MIPOL1: variants seen among roughly 807,000 people sequenced by gnomAD.
The protein encoded by MIPOL1 is mirror-image polydactyly gene 1 protein.
MIPOL1 carries 57 observed loss-of-function variants against 60.9 expected under a neutral mutation model. The observed-to-expected ratio is 0.94, with a 90% confidence interval of 0.76 to 1.17. The LOEUF (loss-of-function observed/expected upper bound fraction) is 1.17, where lower values mean the gene tolerates loss of function less well. Ranked by LOEUF, MIPOL1 falls within the 50% of genes most tolerant of loss-of-function variation. The probability of loss-of-function intolerance (pLI) is 0.00; values close to 1 mark genes in which losing one functional copy is unlikely to be tolerated. For synonymous variants in MIPOL1, 179 were observed against 168.8 expected (o/e 1.06, Z -0.47); for missense variants, 551 against 511.6 (o/e 1.08, Z -0.74).
At chr14:37,259,978 G>A (rs1159477107) in intron 3 of MIPOL1, among the ~76,000 whole-genome samples, 2 of 152,034 alleles carry the variant, frequency 1.3e-5, no homozygotes. Context: ...TCCCCTGAGA[G>A]CAGATAGAGT....
At chr14:37,392,689 G>T (rs1300700117) in intron 10 of MIPOL1, among the ~76,000 whole-genome samples, 1 of 152,156 alleles carries the variant, frequency 6.6e-6, no homozygotes, top group Non-Finnish European at 1.5e-5. Context: ...CTGTGAGAAA[G>T]TTTTAGGCAC....
At chr14:37,479,741 T>C (rs992152783) in intron 11 of MIPOL1, among the ~76,000 whole-genome samples, 2 of 151,836 alleles carry the variant, frequency 1.3e-5, no homozygotes, top group Admixed American at 1.3e-4. Context: ...AAAAGATCAA[T>C]GAAACTAAGA....
intron 12 of MIPOL1, among the ~76,000 whole-genome samples, chr14:37,529,560 ATAATTTTCTTTGTT>A (rs2095468071): frequency 1.3e-5 from 2 of 152,168 alleles, no homozygotes; most frequent in Admixed American, 1.3e-4. Flanking sequence ...ATATATTGCC[ATAATTTTCTTTGTT>A]CATTTATTAT....
At chr14:37,515,658 C>T (rs2095363835) in intron 12 of MIPOL1, among the ~76,000 whole-genome samples, 1 of 152,136 alleles carries the variant, frequency 6.6e-6, no homozygotes, top group Non-Finnish European at 1.5e-5. Context: ...ACTAATCTGC[C>T]TTCTTAGCTA....
chr14:37,255,256 A>T (rs1020295110), intron 3 of MIPOL1, among the ~76,000 whole-genome samples: 7 of 151,744 alleles, frequency 4.6e-5, no homozygotes, highest in African/African-American at 1.7e-4. Flanking sequence ...TGATTAATAT[A>T]AAGGTCTGAG....
intron 9 of MIPOL1, among the ~76,000 whole-genome samples, chr14:37,341,123 C>T (rs1455101333): frequency 6.6e-6 from 1 of 152,126 alleles, no homozygotes; most frequent in Admixed American, 6.5e-5. Context: ...CCTAATTATG[C>T]ATTTCTCATA....
intron 9 of MIPOL1, among the ~76,000 whole-genome samples, chr14:37,361,941 C>A (rs1566432903): frequency 6.6e-6 from 1 of 151,938 alleles, no homozygotes; most frequent in African/African-American, 2.4e-5. Flanking sequence ...GCAATGCCTG[C>A]TTTTTTTGCT....
intron 6 of MIPOL1, among the ~76,000 whole-genome samples, chr14:37,273,924 G>A (rs1035584357): frequency 1.7e-4 from 25 of 151,514 alleles, no homozygotes; most frequent in Admixed American, 2.0e-4. Flanking sequence ...TTGCTTTTAC[G>A]TTTATGAAAT....
intron 11 of MIPOL1, among the ~76,000 whole-genome samples, chr14:37,442,294 G>A (rs1236207066): frequency 6.6e-6 from 1 of 151,936 alleles, no homozygotes; most frequent in Non-Finnish European, 1.5e-5. Context: ...GGTATTTTAG[G>A]TATAAAATCA....
chr14:37,305,253 A>G (rs932796145), intron 7 of MIPOL1, among the ~76,000 whole-genome samples: 7 of 151,864 alleles, frequency 4.6e-5, no homozygotes, highest in African/African-American at 1.4e-4. Context: ...ATATTGAATG[A>G]TCTAGCTTAG....
At chr14:37,378,242 A>G (rs1333614465) in intron 10 of MIPOL1, among the ~76,000 whole-genome samples, 1 of 152,144 alleles carries the variant, frequency 6.6e-6, no homozygotes, top group Non-Finnish European at 1.5e-5. Context: ...TACATAAATG[A>G]TCATAGCAGC....
At chr14:37,337,651 A>G (rs2090270690) in intron 9 of MIPOL1, among the ~76,000 whole-genome samples, 1 of 151,906 alleles carries the variant, frequency 6.6e-6, no homozygotes, top group African/African-American at 2.4e-5. Flanking sequence ...TACAGGCGTG[A>G]GCCACTGTGC....
chr14:37,252,070 G>T (rs1353400165), intron 3 of MIPOL1, among the ~76,000 whole-genome samples: 8 of 151,600 alleles, frequency 5.3e-5, no homozygotes, highest in Admixed American at 4.0e-4. Context: ...GGTAAGAAAT[G>T]ATGAGAATTA....
chr14:37,216,537 A>G (rs1967747368), intron 1 of MIPOL1, among the ~76,000 whole-genome samples: 2 of 152,238 alleles, frequency 1.3e-5, no homozygotes, highest in African/African-American at 2.4e-5. Flanking sequence ...GTTAGTTCAC[A>G]AAACAAGTCT....
At chr14:37,436,793 A>G (rs1474006783) in intron 11 of MIPOL1, among the ~76,000 whole-genome samples, 6 of 152,226 alleles carry the variant, frequency 3.9e-5, no homozygotes, top group Admixed American at 2.0e-4. Context: ...AAAATGATGA[A>G]TGTTTACCTA....
chr14:37,460,933 G>A (rs1170583392), intron 11 of MIPOL1, among the ~76,000 whole-genome samples: 1 of 151,916 alleles, frequency 6.6e-6, no homozygotes, highest in African/African-American at 2.4e-5. Context: ...ATTCCCCAAA[G>A]GAATATACAG....
chr14:37,401,799 T>C (rs1264205077), intron 10 of MIPOL1: 1 of 152,094 alleles, frequency 6.6e-6, no homozygotes, highest in African/African-American at 2.4e-5. Context: ...TGAAAATTTA[T>C]AGATAAATTT....
At chr14:37,470,156 A>T (rs2094662025) in intron 11 of MIPOL1, among the ~76,000 whole-genome samples, 1 of 152,192 alleles carries the variant, frequency 6.6e-6, no homozygotes, top group African/African-American at 2.4e-5. Flanking sequence ...TCATGAGTTC[A>T]ATTTTAGACA....
intron 1 of MIPOL1, among the ~76,000 whole-genome samples, chr14:37,227,132 T>TA (rs1460110303): frequency 6.6e-6 from 1 of 152,178 alleles, no homozygotes; most frequent in Non-Finnish European, 1.5e-5. Flanking sequence ...TTTATTATCT[T>TA]ACGGTTCTGG....
Sources: allele counts gnomAD v4.1 joint callset (sites outside exome capture counted in the v4.1 genomes callset), GRCh38; gene constraint gnomAD v4.1.1; transcripts MANE v1.5; gene names NCBI Gene and HGNC (gene_info 2026-07-23, HGNC 2026-07-21).